Variants in CCDC102B observed in about 807,000 individuals in gnomAD.
CCDC102B encodes coiled-coil domain containing 102B.
A neutral mutation model predicts 57.4 loss-of-function variants in CCDC102B; 75 were observed. That is an observed-to-expected ratio of 1.31 (90% CI 1.08 to 1.58). The LOEUF (loss-of-function observed/expected upper bound fraction) is 1.58, where lower values mean the gene tolerates loss of function less well. Ranked by LOEUF, CCDC102B falls within the 40% of genes most tolerant of loss-of-function variation. The pLI is 0.00. For synonymous variants in CCDC102B, 206 were observed against 201.9 expected, an observed-to-expected ratio of 1.02 and a Z score of -0.17; for missense variants, 636 against 582.6, an observed-to-expected ratio of 1.09 and a Z score of -0.94.
chr18:68,815,586 G>T (rs1430042777), intron 1 of CCDC102B, among the ~76,000 whole-genome samples: 1 of 151,734 alleles, frequency 6.6e-6, no homozygotes, highest in African/African-American at 2.4e-5. Flanking sequence ...CAGAGCATGG[G>T]AACACAGATG....
chr18:68,917,462 C>T (rs181682968), intron 6 of CCDC102B, among the ~76,000 whole-genome samples: 95 of 152,252 alleles, frequency 6.2e-4, no homozygotes, highest in Non-Finnish European at 2.1e-4. Flanking sequence ...ACTCTTCCTC[C>T]GTTATACTTA....
At chr18:69,027,582 G>A (rs1786485940) in intron 7 of CCDC102B, among the ~76,000 whole-genome samples, 1 of 151,910 alleles carries the variant, frequency 6.6e-6, no homozygotes, top group African/African-American at 2.4e-5. Context: ...AGCTCTGACA[G>A]TTTGTTTAAA....
chr18:68,909,175 G>A (rs1015526995), intron 6 of CCDC102B, among the ~76,000 whole-genome samples: 4 of 32,124 alleles, frequency 1.2e-4, no homozygotes, highest in Non-Finnish European at 2.7e-4. Context: ...AGAAGGAAGG[G>A]AGGAAGGGAA....
intron 2 of CCDC102B, among the ~76,000 whole-genome samples, chr18:68,770,614 C>T (rs1306366728): frequency 2.0e-5 from 3 of 152,216 alleles, no homozygotes; most frequent in Non-Finnish European, 2.9e-5. Flanking sequence ...AGATCATATT[C>T]TGCTCAGTAA....
intron 6 of CCDC102B, among the ~76,000 whole-genome samples, chr18:68,931,945 G>T (rs772059511): frequency 6.6e-6 from 1 of 151,668 alleles, no homozygotes; most frequent in Non-Finnish European, 1.5e-5. Context: ...AGATGTGTAT[G>T]TACACAAAGT....
intron 7 of CCDC102B, among the ~76,000 whole-genome samples, chr18:69,040,744 T>G (rs1364593562): frequency 6.6e-6 from 1 of 152,114 alleles, no homozygotes; most frequent in African/African-American, 2.4e-5. Flanking sequence ...TTTACTTAGA[T>G]GAATGTGACA....
intron 6 of CCDC102B, among the ~76,000 whole-genome samples, chr18:68,940,288 A>G (rs2049342983): frequency 6.6e-6 from 1 of 151,864 alleles, no homozygotes; most frequent in Non-Finnish European, 1.5e-5. Context: ...TTATAATAAT[A>G]TGTATCTCTT....
chr18:68,925,520 C>A (rs569960533), intron 6 of CCDC102B, among the ~76,000 whole-genome samples: 7 of 151,964 alleles, frequency 4.6e-5, no homozygotes, highest in Admixed American at 4.6e-4. Flanking sequence ...ATTAGTTTTG[C>A]CTTTCCTTTT....
At chr18:68,802,792 A>G (rs2035900652) in intron 1 of CCDC102B, among the ~76,000 whole-genome samples, 1 of 152,230 alleles carries the variant, frequency 6.6e-6, no homozygotes, top group Non-Finnish European at 1.5e-5. Flanking sequence ...AAACGATATC[A>G]GAAGTAGAAA....
intron 7 of CCDC102B, among the ~76,000 whole-genome samples, chr18:69,015,202 G>A (rs200289423): frequency 6.6e-6 from 1 of 152,156 alleles, no homozygotes; most frequent in Non-Finnish European, 1.5e-5. Context: ...TCACCTAGAG[G>A]TAGGTGTATT....
intron 4 of CCDC102B, among the ~76,000 whole-genome samples, chr18:68,849,481 C>T (rs762225515): frequency 3.7e-4 from 56 of 152,066 alleles, no homozygotes; most frequent in Non-Finnish European, 6.5e-4. Flanking sequence ...GCTACTTCCC[C>T]GGACAGGGCC....
intron 6 of CCDC102B, among the ~76,000 whole-genome samples, chr18:68,903,313 A>T (rs1319552981): frequency 6.6e-6 from 1 of 152,166 alleles, no homozygotes; most frequent in Non-Finnish European, 1.5e-5. Flanking sequence ...CATTTTTGAA[A>T]TTTCAGGAGG....
chr18:69,052,796 T>A lies in CCDC102B; in HGVS notation c.1435-1234T>A, dbSNP rs537267279. 1.8e-4 allele frequency among the ~76,000 whole-genome samples: 27 copies of A among 151,960 alleles called. No homozygotes were observed. In the East Asian group the frequency reaches 4.7e-3, roughly 26 times the overall value. On this transcript the variant is annotated intron_variant, in intron 7 of 7. Coordinates refer to ENST00000360242, the MANE Select transcript of CCDC102B (RefSeq NM_024781.3). Reference sequence around the variant, plus strand: ...TCAACCACTAATCAAAAATATTTTTTAAAAATGCATCTGTACTGAACATGT... The same window carrying A: ...TCAACCACTAATCAAAAATATTTTTAAAAAATGCATCTGTACTGAACATGT...
upstream of CCDC102B, among the ~76,000 whole-genome samples, chr18:68,796,092 C>T (rs966937464): frequency 2.6e-5 from 4 of 151,996 alleles, no homozygotes; most frequent in African/African-American, 7.2e-5. Context: ...GCATAAGTAC[C>T]GGAAATAGAC....
intron 4 of CCDC102B, 150 bp from the exon 5 acceptor site, chr18:68,874,519 A>G: frequency 3.8e-6 from 2 of 525,598 alleles, no homozygotes; most frequent in Non-Finnish European, 3.5e-6. Context: ...CAGTTCAACC[A>G]CAATCATTAC....
downstream of CCDC102B, among the ~76,000 whole-genome samples, chr18:69,057,452 G>A (rs1357469977): frequency 6.6e-6 from 1 of 151,952 alleles, no homozygotes; most frequent in African/African-American, 2.4e-5. Context: ...TCTGGGGTGA[G>A]GAATACAGCT....
intron 4 of CCDC102B, among the ~76,000 whole-genome samples, chr18:68,872,423 A>G (rs1326841351): frequency 2.0e-5 from 3 of 152,108 alleles, no homozygotes; most frequent in Non-Finnish European, 4.4e-5. Flanking sequence ...TTTTTTCTTT[A>G]TGTATTTAAA....
chr18:68,915,005 AAGAG>A (rs374936955), intron 6 of CCDC102B, among the ~76,000 whole-genome samples: 8 of 148,180 alleles, frequency 5.4e-5, no homozygotes, highest in Non-Finnish European at 7.5e-5. Flanking sequence ...GACAGACAGA[AAGAG>A]AGAGAGAGAG....
At chr18:68,970,845 A>G (rs2050283900) in intron 6 of CCDC102B, among the ~76,000 whole-genome samples, 8 of 152,026 alleles carry the variant, frequency 5.3e-5, no homozygotes, top group Admixed American at 5.2e-4. Flanking sequence ...TAATGCTTAT[A>G]TCCTAGATTT....
Sources: gnomAD v4.1 joint callset for allele counts (sites outside exome capture counted in the v4.1 genomes callset) on GRCh38, gnomAD v4.1.1 for gene constraint, MANE v1.5 for transcripts, NCBI Gene and HGNC (gene_info 2026-07-23, HGNC 2026-07-21) for gene names.